Variants in HDAC9 observed in about 807,000 individuals in gnomAD.
HDAC9 encodes MEF-2 interacting transcription repressor (MITR) protein.
In HDAC9, 41 loss-of-function variants were observed where a neutral mutation model predicts 139.4. The ratio of observed to expected loss-of-function variants is 0.29; its 90% CI spans 0.23 to 0.38. The LOEUF (loss-of-function observed/expected upper bound fraction) is 0.38, where lower values mean the gene tolerates loss of function less well. Among genes scored for constraint, HDAC9 ranks in the 10% least tolerant of loss-of-function variants. The pLI, the probability that HDAC9 is intolerant of heterozygous loss-of-function variation, is 1.00. For synonymous variants in HDAC9, 517 were observed against 476.2 expected, an observed-to-expected ratio of 1.09 and a Z score of -1.12; for missense variants, 1,147 against 1,297.0, an observed-to-expected ratio of 0.88 and a Z score of 1.78.
At chr7:18,461,391 T>C (rs1347361117) in intron 1 of HDAC9, among the ~76,000 whole-genome samples, 1 of 152,174 alleles carries the variant, frequency 6.6e-6, no homozygotes, top group Admixed American at 6.5e-5. Context: ...ATTGTAAAAT[T>C]GAATGATACT....
rs563085490 is a variant in HDAC9, at chr7:18,772,528, A to C, written c.2214+5373A>C. Among the ~76,000 whole-genome samples the C allele has an allele frequency of 2.2e-4, 33 of 152,086 alleles. 2 individuals carry two copies. The South Asian group carries it at 6.6e-3, about 31-fold the overall frequency. On this transcript the variant is annotated intron_variant, in intron 16 of 25. Coordinates refer to ENST00000686413, the MANE Select transcript of HDAC9 (RefSeq NM_178425.4). Reference sequence around the variant, plus strand: ...CACATGCAGTAATCAGGGTAATGTTAATTTCCCTCCTATTAATGTTCAACT... The same window carrying C: ...CACATGCAGTAATCAGGGTAATGTTCATTTCCCTCCTATTAATGTTCAACT...
At chr7:18,525,134 A>G (rs1806405704) in intron 2 of HDAC9, among the ~76,000 whole-genome samples, 1 of 152,144 alleles carries the variant, frequency 6.6e-6, no homozygotes, top group Non-Finnish European at 1.5e-5. Context: ...ATTTCCATGC[A>G]ATAATGTGTT....
intron 1 of HDAC9, among the ~76,000 whole-genome samples, chr7:18,354,405 C>T (rs566549750): frequency 1.3e-5 from 2 of 152,244 alleles, no homozygotes; most frequent in East Asian, 3.9e-4. Flanking sequence ...AATTAACACA[C>T]TTTGCTATTT....
At chr7:18,544,652 A>G (rs140434503) in intron 2 of HDAC9, among the ~76,000 whole-genome samples, 3 of 152,332 alleles carry the variant, frequency 2.0e-5, no homozygotes, top group Non-Finnish European at 4.4e-5. Context: ...AACAACAACA[A>G]CAAAGATGAG....
intron 7 of HDAC9, among the ~76,000 whole-genome samples, chr7:18,633,328 G>A (rs1315094974): frequency 6.6e-6 from 1 of 152,054 alleles, no homozygotes; most frequent in South Asian, 2.1e-4. Context: ...TAGTGGGTAA[G>A]CTATATTGCC....
intron 1 of HDAC9, among the ~76,000 whole-genome samples, chr7:18,388,644 C>T (rs1381909396): frequency 6.6e-6 from 1 of 152,106 alleles, no homozygotes; most frequent in Non-Finnish European, 1.5e-5. Context: ...TAACTCTGCT[C>T]TTTTTCTTTC....
intron 12 of HDAC9, among the ~76,000 whole-genome samples, chr7:18,715,757 T>C (rs899711786): frequency 1.3e-5 from 2 of 152,200 alleles, no homozygotes; most frequent in Non-Finnish European, 2.9e-5. Context: ...AGTGAGATTT[T>C]ATTATGGCCA....
chr7:18,524,070 G>A (rs1805988526), intron 2 of HDAC9, among the ~76,000 whole-genome samples: 1 of 152,018 alleles, frequency 6.6e-6, no homozygotes, highest in African/African-American at 2.4e-5. Flanking sequence ...GGGGAAAGAA[G>A]CACTTCTTCA....
At chr7:18,113,904 C>T (rs190265444) in intron 1 of HDAC9, among the ~76,000 whole-genome samples, 36 of 152,150 alleles carry the variant, frequency 2.4e-4, no homozygotes, top group African/African-American at 8.7e-4. Flanking sequence ...ATTGATGATG[C>T]TAAATATGGC....
intron 2 of HDAC9, among the ~76,000 whole-genome samples, chr7:18,525,272 T>G (rs995660468): frequency 6.6e-6 from 1 of 151,982 alleles, no homozygotes; most frequent in Non-Finnish European, 1.5e-5. Context: ...CTAGAACAAA[T>G]AATATTGGCG....
chr7:18,437,731 T>C (rs1031437560), intron 1 of HDAC9, among the ~76,000 whole-genome samples: 4 of 151,776 alleles, frequency 2.6e-5, no homozygotes, highest in Non-Finnish European at 4.4e-5. Context: ...GCAAAGATAA[T>C]TTATAATTTC....
intron 1 of HDAC9, among the ~76,000 whole-genome samples, chr7:18,291,413 C>T (rs545451359): frequency 1.3e-5 from 2 of 152,130 alleles, no homozygotes; most frequent in East Asian, 3.9e-4. Context: ...TCAGTTTCCT[C>T]ACCTAAAAAT....
In HDAC9 at chr7:18,788,482, C is replaced by T. The variant is rs867571465; in HGVS notation, c.2215-4863C>T. Among the ~76,000 whole-genome samples the T allele has an allele frequency of 1.4e-4, 21 of 152,194 alleles. No homozygotes were observed. In the South Asian group the frequency reaches 2.3e-3, roughly 17 times the overall value. ...AAAAGTCCCAAATATTGGCTGAACGCGGTGGTTCACACCTGTCATCCCAGC... is the reference window on the plus strand; with the variant it reads ...AAAAGTCCCAAATATTGGCTGAACGTGGTGGTTCACACCTGTCATCCCAGC... On this transcript the variant is annotated intron_variant, in intron 16 of 25. Transcript: ENST00000686413.
chr7:18,135,453 T>TC (rs1229812166), intron 1 of HDAC9, among the ~76,000 whole-genome samples: 1 of 93,636 alleles, frequency 1.1e-5, no homozygotes, highest in Non-Finnish European at 2.1e-5. Flanking sequence ...CCCTCCCCCC[T>TC]CCCCCCACCC....
At chr7:18,830,487 T>G (rs956107763) in intron 19 of HDAC9, among the ~76,000 whole-genome samples, 15 of 152,232 alleles carry the variant, frequency 9.9e-5, no homozygotes, top group Non-Finnish European at 2.9e-5. Flanking sequence ...GTCTAAATCT[T>G]GTTCATATCT....
intron 1 of HDAC9, among the ~76,000 whole-genome samples, chr7:18,461,597 A>G (rs758536504): frequency 1.1e-4 from 17 of 152,160 alleles, no homozygotes; most frequent in Non-Finnish European, 2.2e-4. Flanking sequence ...TGAAATTAGT[A>G]CTAGGAAAAG....
chr7:18,293,783 G>A (rs995582464), intron 1 of HDAC9, among the ~76,000 whole-genome samples: 3 of 151,902 alleles, frequency 2.0e-5, no homozygotes, highest in Non-Finnish European at 4.4e-5. Context: ...GGTCACCCAC[G>A]GGATTACTGC....
chr7:18,232,312 G>A (rs941329297), intron 2 of HDAC9, among the ~76,000 whole-genome samples: 2 of 152,132 alleles, frequency 1.3e-5, no homozygotes, highest in African/African-American at 4.8e-5. Flanking sequence ...AATATGGGGT[G>A]TAATTATAGC....
At chr7:18,763,783 T>G (rs1230423713) in intron 15 of HDAC9, among the ~76,000 whole-genome samples, 2 of 152,126 alleles carry the variant, frequency 1.3e-5, no homozygotes, top group East Asian at 1.9e-4. Context: ...TCATTATTTT[T>G]TAATTGAGTT....
Sources: allele counts gnomAD v4.1 joint callset (sites outside exome capture counted in the v4.1 genomes callset), GRCh38; gene constraint gnomAD v4.1.1; transcripts MANE v1.5; gene names NCBI Gene and HGNC (gene_info 2026-07-23, HGNC 2026-07-21).